Variants in PEPD observed in about 807,000 individuals in gnomAD.
The protein encoded by PEPD is xaa-Pro dipeptidase.
A neutral mutation model predicts 60.7 loss-of-function variants in PEPD; 53 were observed. The observed-to-expected ratio is 0.87, with a 90% CI of 0.70 to 1.10. The LOEUF (loss-of-function observed/expected upper bound fraction) is 1.10. Among genes scored for constraint, PEPD ranks in the 50% least tolerant of loss-of-function variants. The pLI, the probability that PEPD is intolerant of heterozygous loss-of-function variation, is 0.00. For synonymous variants in PEPD, 267 were observed against 284.1 expected (o/e 0.94, Z 0.60); for missense variants, 711 against 711.9 (o/e 1.00, Z 0.01).
intron 12 of PEPD, among the ~76,000 whole-genome samples, chr19:33,398,177 A>G (rs781541575): frequency 3.3e-5 from 5 of 152,206 alleles, no homozygotes; most frequent in Admixed American, 3.3e-4. Flanking sequence ...TGGCACCCTG[A>G]TGGGCCCGGC....
At chr19:33,477,707 G>A (rs78561135) in intron 7 of PEPD, among the ~76,000 whole-genome samples, 292 of 152,312 alleles carry the variant, frequency 1.9e-3, no homozygotes, top group African/African-American at 6.7e-3. Context: ...TACCTTTCTG[G>A]CAATGGGATT....
chr19:33,511,573 C>CAG (rs1478521765), intron 2 of PEPD: 2 of 304,852 alleles, frequency 6.6e-6, no homozygotes, highest in Non-Finnish European at 1.3e-5. Context: ...TTTAAGACTT[C>CAG]TTACTTCCCT....
At chr19:33,440,897 C>G (rs75471574) in intron 9 of PEPD, among the ~76,000 whole-genome samples, 1,690 of 152,214 alleles carry the variant, frequency 0.011, 25 homozygotes, top group South Asian at 0.071. Context: ...CTGGAAATGA[C>G]GAACACTCAC....
At chr19:33,393,861 A>G (rs779559189) in intron 12 of PEPD, among the ~76,000 whole-genome samples, 5 of 152,200 alleles carry the variant, frequency 3.3e-5, no homozygotes, top group Non-Finnish European at 7.3e-5. Context: ...AGGCCGTTTT[A>G]CCTCAGGCCC....
intron 1 of PEPD, 44 bp downstream of exon 1, chr19:33,521,700 C>A: frequency 6.4e-7 from 1 of 1,565,958 alleles, no homozygotes; most frequent in Non-Finnish European, 8.6e-7. Flanking sequence ...ACCCATGCCC[C>A]TCTCCACGCC....
chr19:33,486,546 C>T (rs992018483), intron 6 of PEPD, among the ~76,000 whole-genome samples: 9 of 152,062 alleles, frequency 5.9e-5, no homozygotes, highest in African/African-American at 2.2e-4. Flanking sequence ...GTGTGCATGC[C>T]CACCACCCTC....
intron 9 of PEPD, among the ~76,000 whole-genome samples, chr19:33,439,591 T>C (rs1212631004): frequency 6.6e-6 from 1 of 152,216 alleles, no homozygotes; most frequent in Non-Finnish European, 1.5e-5. Flanking sequence ...CCAGGTCATT[T>C]GCTTTAGCTC....
intron 11 of PEPD, among the ~76,000 whole-genome samples, chr19:33,404,222 C>T (rs1368940660): frequency 6.6e-6 from 1 of 152,164 alleles, no homozygotes; most frequent in African/African-American, 2.4e-5. Context: ...CTGGGGACAG[C>T]TAAGCATTTT....
chr19:33,387,137 C>T lies in PEPD; in HGVS notation c.*207G>A, dbSNP rs1038. 2 of 603,812 alleles carry T rather than the reference C, an allele frequency of 3.3e-6. No individual in the cohort carries two copies. Among genetic ancestry groups the T allele is most frequent in the African/African-American group, 3.7e-5 (2 of 53,926 alleles). The allele number at this position is 603,812 out of a possible 1,614,324, so 37.4% of individuals were successfully genotyped here. Reference sequence around the variant, plus strand: ...CTCATTTAATAAGCAAGGTATAAAACAGATTAAAGGTGGGAGCCTGCAAAA... The same window carrying T: ...CTCATTTAATAAGCAAGGTATAAAATAGATTAAAGGTGGGAGCCTGCAAAA... On this transcript the variant is annotated 3_prime_UTR_variant, in exon 15 of 15. Coordinates refer to ENST00000244137, the MANE Select transcript of PEPD (RefSeq NM_000285.4).
intron 1 of PEPD, among the ~76,000 whole-genome samples, chr19:33,516,733 T>G (rs2145362538): frequency 6.6e-6 from 1 of 152,286 alleles, no homozygotes; most frequent in Middle Eastern, 3.4e-3. Flanking sequence ...GTACCTTTAT[T>G]TTCTCTAACC....
chr19:33,396,324 C>T (rs992947110), intron 12 of PEPD, among the ~76,000 whole-genome samples: 1 of 152,106 alleles, frequency 6.6e-6, no homozygotes, highest in African/African-American at 2.4e-5. Flanking sequence ...AGAGGTGCCC[C>T]CTGACCACGG....
At chr19:33,405,300 G>C (rs922722786) in intron 11 of PEPD, among the ~76,000 whole-genome samples, 8 of 152,252 alleles carry the variant, frequency 5.3e-5, no homozygotes, top group African/African-American at 1.7e-4. Flanking sequence ...GAAGGCTTGG[G>C]AACAGTTTTC....
chr19:33,396,936 C>T (rs962560915), intron 12 of PEPD, among the ~76,000 whole-genome samples: 7 of 152,160 alleles, frequency 4.6e-5, no homozygotes, highest in East Asian at 1.9e-4. Context: ...GCCACCCTGC[C>T]GGGCTCGCCC....
intron 9 of PEPD, among the ~76,000 whole-genome samples, chr19:33,451,910 T>C (rs1403268470): frequency 1.3e-5 from 2 of 152,154 alleles, no homozygotes; most frequent in Non-Finnish European, 2.9e-5. Flanking sequence ...AAATCTATCA[T>C]GAATCACAAA....
At chr19:33,401,998 G>A in intron 11 of PEPD, 129 bp from the exon 12 acceptor site, 1 of 845,718 alleles carries the variant, frequency 1.2e-6, no homozygotes, top group East Asian at 2.7e-5. Flanking sequence ...CCCTCACAAT[G>A]AGACCGGTGT....
chr19:33,395,279 A>G (rs1210412138), intron 12 of PEPD: 1 of 152,314 alleles, frequency 6.6e-6, no homozygotes, highest in Non-Finnish European at 1.5e-5. Context: ...GGGCCTGGTT[A>G]TGACCTCTGG....
At chr19:33,445,809 C>T (rs1442535623) in intron 9 of PEPD, among the ~76,000 whole-genome samples, 1 of 152,210 alleles carries the variant, frequency 6.6e-6, no homozygotes, top group African/African-American at 2.4e-5. Flanking sequence ...GAGCTCTGAA[C>T]TCGAGTCCCA....
intron 2 of PEPD, among the ~76,000 whole-genome samples, chr19:33,511,962 C>A (rs373790964): frequency 6.6e-6 from 1 of 152,120 alleles, no homozygotes. Context: ...CCTGCTGGGG[C>A]GACAGGGTCC....
At chr19:33,402,214 TG>T (rs1968514209) in intron 11 of PEPD, among the ~76,000 whole-genome samples, 2 of 152,160 alleles carry the variant, frequency 1.3e-5, no homozygotes, top group Admixed American at 6.5e-5. Context: ...GAGAATTGTT[TG>T]GAGAACTAAG....
Sources: allele counts gnomAD v4.1 joint callset (sites outside exome capture counted in the v4.1 genomes callset), GRCh38; gene constraint gnomAD v4.1.1; transcripts MANE v1.5; gene names NCBI Gene and HGNC (gene_info 2026-07-23, HGNC 2026-07-21).